COL25A1: variants seen among roughly 807,000 people sequenced by gnomAD.
The protein encoded by COL25A1 is collagen alpha-1(XXV) chain.
A neutral mutation model predicts 128.4 loss-of-function variants in COL25A1; 103 were observed. The observed-to-expected ratio is 0.80, with a 90% CI of 0.68 to 0.94. The LOEUF (loss-of-function observed/expected upper bound fraction) is 0.94. COL25A1 is among the 40% of genes least tolerant of loss of function. COL25A1 has a pLI of 0.00. For synonymous variants in COL25A1, 279 were observed against 277.2 expected (o/e 1.01, Z -0.06); for missense variants, 745 against 840.0 (o/e 0.89, Z 1.40).
At chr4:109,170,718 T>C (rs1355506824) in intron 3 of COL25A1, among the ~76,000 whole-genome samples, 1 of 152,082 alleles carries the variant, frequency 6.6e-6, no homozygotes, top group Non-Finnish European at 1.5e-5. Flanking sequence ...GAATAACACA[T>C]AGTGGTATAT....
At position 108,809,636 on chromosome 4, in the gene COL25A1, A is replaced by G. The variant is rs552542577; in HGVS notation, c.*4291T>C. The G allele has an allele frequency of 2.0e-5, 3 of 152,186 alleles. No homozygotes were observed. The highest frequency in any genetic ancestry group is 7.2e-5 in the African/African-American group (3 of 41,570). The allele number at this position is 152,186 out of a possible 1,614,324, so 9.4% of individuals were successfully genotyped here. ...AATGAAAAAAGTCATTAAAGTGTTT[A>G]TTAGTACGGGGTTAGCAAAAACCAA... On this transcript the variant is annotated 3_prime_UTR_variant, in exon 38 of 38. Transcript: ENST00000399132.
At chr4:109,122,091 A>G (rs968856233) in intron 3 of COL25A1, among the ~76,000 whole-genome samples, 5 of 152,110 alleles carry the variant, frequency 3.3e-5, no homozygotes, top group African/African-American at 1.2e-4. Context: ...TGGAGACAGC[A>G]AAAAGATTAG....
intron 6 of COL25A1, among the ~76,000 whole-genome samples, chr4:108,987,167 C>T (rs1753728729): frequency 6.6e-6 from 1 of 152,136 alleles, no homozygotes; most frequent in Non-Finnish European, 1.5e-5. Flanking sequence ...CCTTCTATAA[C>T]CTGCTCCTAA....
At chr4:109,006,576 A>G (rs951164030) in intron 6 of COL25A1, among the ~76,000 whole-genome samples, 2 of 151,782 alleles carry the variant, frequency 1.3e-5, no homozygotes, top group Non-Finnish European at 2.9e-5. Flanking sequence ...ACTTATTAAT[A>G]CACTGCATGT....
At chr4:109,161,591 C>T (rs1772586759) in intron 3 of COL25A1, among the ~76,000 whole-genome samples, 2 of 152,150 alleles carry the variant, frequency 1.3e-5, no homozygotes, top group African/African-American at 2.4e-5. Context: ...CAGCACTGTA[C>T]TCTTTCTGCT....
At chr4:109,039,712 C>T (rs1481615761) in intron 5 of COL25A1, among the ~76,000 whole-genome samples, 23 of 152,176 alleles carry the variant, frequency 1.5e-4, no homozygotes, top group Admixed American at 1.5e-3. Context: ...TTATCCTCAT[C>T]GTATAGCAGA....
At chr4:109,041,209 CA>C (rs1199979497) in intron 5 of COL25A1, among the ~76,000 whole-genome samples, 1 of 151,992 alleles carries the variant, frequency 6.6e-6, no homozygotes. Context: ...AAGGCCGTAA[CA>C]ATGAATAGAG....
At chr4:109,089,284 T>C (rs138404104) in intron 3 of COL25A1, among the ~76,000 whole-genome samples, 123 of 152,330 alleles carry the variant, frequency 8.1e-4, no homozygotes, top group Non-Finnish European at 1.3e-3. Context: ...GAAATTACAT[T>C]AATCCATTTT....
chr4:109,082,494 C>G (rs1763929499), intron 3 of COL25A1, among the ~76,000 whole-genome samples: 2 of 152,160 alleles, frequency 1.3e-5, no homozygotes, highest in Admixed American at 6.5e-5. Context: ...CGTCCTCATG[C>G]ATGTGAGGTA....
At position 108,974,601 on chromosome 4, in the gene COL25A1, A is replaced by G. The variant is rs555745780; in HGVS notation, c.439-42T>C. The stretch of plus-strand genomic sequence containing the variant: ...GAAAAAAAATTTTAATTAAAAAAAG[A>G]TATTGTAAACTGAATAGATCAGCCA... On this transcript the variant is annotated intron_variant, in intron 6 of 37. Coordinates refer to ENST00000399132, the MANE Select transcript of COL25A1 (RefSeq NM_198721.4). 3.4e-5 allele frequency: 52 copies of G among 1,511,056 alleles called. No homozygotes were observed. In the South Asian group the frequency reaches 5.8e-4, roughly 17 times the overall value. 93.6% of individuals were successfully genotyped at this position (1,511,056 alleles called of 1,614,324 possible).
chr4:109,125,880 T>C (rs1768552150), intron 3 of COL25A1, among the ~76,000 whole-genome samples: 1 of 152,176 alleles, frequency 6.6e-6, no homozygotes, highest in Admixed American at 6.5e-5. Flanking sequence ...TGAATGATTA[T>C]TAAATAAGCA....
intron 3 of COL25A1, among the ~76,000 whole-genome samples, chr4:109,103,400 T>C (rs1158388218): frequency 2.6e-5 from 4 of 152,176 alleles, no homozygotes; most frequent in Non-Finnish European, 1.5e-5. Context: ...GCCTCACCCC[T>C]TATTCTGCAC....
intron 3 of COL25A1, among the ~76,000 whole-genome samples, chr4:109,065,543 CGCGTGTGTGTGT>C (rs1297830696): frequency 9.9e-5 from 13 of 131,218 alleles, no homozygotes; most frequent in African/African-American, 3.2e-4. Flanking sequence ...CGCGCGCGCG[CGCGTGTGTGTGT>C]GTGTGTGTGT....
At chr4:109,219,874 C>T (rs530029537) in intron 3 of COL25A1, among the ~76,000 whole-genome samples, 5 of 152,164 alleles carry the variant, frequency 3.3e-5, no homozygotes, top group African/African-American at 1.2e-4. Flanking sequence ...AACAGAAATC[C>T]ATGTTAAAAT....
At chr4:108,943,001 C>T (rs564584042) in intron 8 of COL25A1, among the ~76,000 whole-genome samples, 8 of 152,198 alleles carry the variant, frequency 5.3e-5, no homozygotes, top group East Asian at 3.9e-4. Flanking sequence ...AGGGATCTGA[C>T]TGCCTCGGCC....
chr4:109,097,639 T>C (rs1205395888), intron 3 of COL25A1, among the ~76,000 whole-genome samples: 1 of 151,014 alleles, frequency 6.6e-6, no homozygotes, highest in East Asian at 2.0e-4. Context: ...TAAATAAAAT[T>C]ATGTTATCTT....
At chr4:109,023,938 C>T (rs1231551427) in intron 5 of COL25A1, among the ~76,000 whole-genome samples, 2 of 152,162 alleles carry the variant, frequency 1.3e-5, no homozygotes, top group African/African-American at 4.8e-5. Context: ...TGTCCATCAT[C>T]CAGCAATTAT....
chr4:109,086,510 T>A (rs532445902), intron 3 of COL25A1, among the ~76,000 whole-genome samples: 1 of 152,360 alleles, frequency 6.6e-6, no homozygotes, highest in African/African-American at 2.4e-5. Context: ...TGTGACGAGA[T>A]CTTTATAGTC....
intron 3 of COL25A1, among the ~76,000 whole-genome samples, chr4:109,125,527 A>G (rs1244247646): frequency 1.3e-5 from 2 of 152,198 alleles, no homozygotes; most frequent in African/African-American, 4.8e-5. Context: ...TCTTAAACCA[A>G]GTATTTCTAG....
Sources: gnomAD v4.1 joint callset for allele counts (sites outside exome capture counted in the v4.1 genomes callset) on GRCh38, gnomAD v4.1.1 for gene constraint, MANE v1.5 for transcripts, NCBI Gene and HGNC (gene_info 2026-07-23, HGNC 2026-07-21) for gene names.